Variants in KLRG1 observed in about 807,000 individuals in gnomAD.
The protein encoded by KLRG1 is killer cell lectin like receptor G1, also known as killer cell lectin-like receptor subfamily G member 1.
A neutral mutation model predicts 21.8 loss-of-function variants in KLRG1; 16 were observed. The ratio of observed to expected loss-of-function variants is 0.73; its 90% CI spans 0.50 to 1.11. The LOEUF (loss-of-function observed/expected upper bound fraction) is 1.11, where lower values mean the gene tolerates loss of function less well. Ranked by LOEUF, KLRG1 falls within the 50% of genes most tolerant of loss-of-function variation. The pLI is 0.00. For synonymous variants in KLRG1, 69 were observed against 75.9 expected (o/e 0.91, Z 0.47); for missense variants, 173 against 218.3 (o/e 0.79, Z 1.31).
the KLRG1 span, among the ~76,000 whole-genome samples, chr12:9,174,219 A>T: frequency 6.6e-6 from 1 of 152,254 alleles, no homozygotes; most frequent in East Asian, 1.9e-4. Context: ...AGAACTAAAG[A>T]CAAAAACCAC....
At chr12:8,953,098 T>C (rs1487107767) in intron 1 of KLRG1, among the ~76,000 whole-genome samples, 1 of 151,374 alleles carries the variant, frequency 6.6e-6, no homozygotes, top group Non-Finnish European at 1.5e-5. Context: ...GCCTGTGTTA[T>C]AGTTTGTATC....
In KLRG1 at chr12:8,974,326, C is replaced by A. The variant is rs771206156; in HGVS notation, c.-155-17880C>A. On this transcript the variant is annotated intron_variant, in intron 1 of 4. Transcript: ENST00000539240. ...GGGACTACAAGCGTCCACCACCACA[C>A]CCGGCTAATTTTTTGTATTTTTAGT... Among the ~76,000 whole-genome samples, 16 of 152,186 alleles carry A rather than the reference C, an allele frequency of 1.1e-4. No individual in the cohort carries two copies. In the South Asian group the frequency reaches 3.3e-3, roughly 32 times the overall value.
chr12:9,143,550 G>A, the KLRG1 span, among the ~76,000 whole-genome samples: 1 of 152,118 alleles, frequency 6.6e-6, no homozygotes, highest in African/African-American at 2.4e-5. Context: ...GATTTCATGA[G>A]GGGTGCAAGC....
At chr12:9,135,290 A>C in the KLRG1 span, 86 of 276,272 alleles carry the variant, frequency 3.1e-4, 4 homozygotes, top group African/African-American at 1.3e-3. Context: ...TCAACCATGA[A>C]ATGGATCCCC....
chr12:8,986,597 A>AT (rs1341043504), upstream of KLRG1, among the ~76,000 whole-genome samples: 1 of 146,766 alleles, frequency 6.8e-6, no homozygotes, highest in Non-Finnish European at 1.5e-5. Flanking sequence ...TAACTTGCTT[A>AT]TTTTTTAACA....
At chr12:8,973,163 G>GAAAAAAA (rs59760555) in intron 1 of KLRG1, among the ~76,000 whole-genome samples, 1 of 97,032 alleles carries the variant, frequency 1.0e-5, no homozygotes, top group Non-Finnish European at 2.0e-5. Context: ...CATCTCAAAA[G>GAAAAAAA]AAAAAAAAAA....
At chr12:9,058,519 A>C in the KLRG1 span, 9 of 151,818 alleles carry the variant, frequency 5.9e-5, no homozygotes, top group Non-Finnish European at 1.3e-4. Flanking sequence ...ATATAAACAA[A>C]CATATATGTT....
Position 9,009,560 on chromosome 12 carries a change from C to A in KLRG1, c.*23C>A. 6.2e-7 allele frequency: 1 copy of A among 1,612,680 alleles called. No homozygotes were observed. Among genetic ancestry groups the A allele is most frequent in the Non-Finnish European group, 8.5e-7 (1 of 1,179,338 alleles). On this transcript the variant is annotated 3_prime_UTR_variant, in exon 5 of 5. Coordinates refer to ENST00000356986, the MANE Select transcript of KLRG1 (RefSeq NM_005810.4). ...TGATAGATGACCACTCTGTCCTGAC[C>A]CTCAGATCTGTCATGTATCCCTAAA... is the stretch of plus-strand genomic sequence containing the variant.
chr12:9,132,881 A>G, the KLRG1 span, among the ~76,000 whole-genome samples: 1 of 152,226 alleles, frequency 6.6e-6, no homozygotes, highest in Admixed American at 6.5e-5. Flanking sequence ...ATTATGAAAC[A>G]CTACTGATCA....
chr12:9,114,891 A>G, the KLRG1 span, among the ~76,000 whole-genome samples: 11 of 152,346 alleles, frequency 7.2e-5, no homozygotes, highest in South Asian at 2.1e-3. Flanking sequence ...AAATAAATAC[A>G]AAGTATGATT....
chr12:9,019,349 C>T, the KLRG1 span, among the ~76,000 whole-genome samples: 1 of 152,024 alleles, frequency 6.6e-6, no homozygotes, highest in East Asian at 1.9e-4. Flanking sequence ...CCACTGTGGA[C>T]AACAATATGT....
chr12:9,135,134 C>T, the KLRG1 span: 2 of 217,650 alleles, frequency 9.2e-6, no homozygotes, highest in African/African-American at 4.6e-5. Context: ...CCTTCGTCTC[C>T]AAGTTTCTCC....
At chr12:9,102,347 T>G in the KLRG1 span, among the ~76,000 whole-genome samples, 1 of 152,116 alleles carries the variant, frequency 6.6e-6, no homozygotes. Flanking sequence ...CCTGAGTTGC[T>G]AGGACTACAG....
chr12:9,190,900 A>G, the KLRG1 span, among the ~76,000 whole-genome samples: 2 of 152,186 alleles, frequency 1.3e-5, no homozygotes, highest in Non-Finnish European at 2.9e-5. Context: ...ACAAATTGTG[A>G]ATAAAATTTG....
At chr12:9,028,793 G>A in the KLRG1 span, 1 of 611,608 alleles carries the variant, frequency 1.6e-6, no homozygotes, top group South Asian at 1.4e-5. Flanking sequence ...AGTTAAGTGG[G>A]CACCTGGTCT....
chr12:9,201,355 A>G, the KLRG1 span: 1 of 1,556,366 alleles, frequency 6.4e-7, no homozygotes, highest in Non-Finnish European at 8.8e-7. Context: ...AATCTATATG[A>G]TAAAAGGAAA....
the KLRG1 span, among the ~76,000 whole-genome samples, chr12:9,146,387 T>TGGG: frequency 1.3e-5 from 2 of 152,210 alleles, no homozygotes; most frequent in Non-Finnish European, 2.9e-5. Context: ...ATACTTTTTG[T>TGGG]GGTTTTGTTG....
At chr12:9,158,330 T>C in the KLRG1 span, 2 of 1,514,650 alleles carry the variant, frequency 1.3e-6, no homozygotes. Flanking sequence ...ACTTCATCTT[T>C]GCAATTTCCT....
chr12:8,959,266 T>C (rs1946344838), intron 1 of KLRG1, among the ~76,000 whole-genome samples: 1 of 152,200 alleles, frequency 6.6e-6, no homozygotes, highest in Non-Finnish European at 1.5e-5. Context: ...GGTCGCAAGA[T>C]TTAGAGCTTC....
Sources: allele counts gnomAD v4.1 joint callset (sites outside exome capture counted in the v4.1 genomes callset), GRCh38; gene constraint gnomAD v4.1.1; transcripts MANE v1.5; gene names NCBI Gene and HGNC (gene_info 2026-07-23, HGNC 2026-07-21).